SUMF1: variants seen among roughly 807,000 people sequenced by gnomAD.
SUMF1 encodes the protein sulfatase modifying factor 1.
SUMF1 carries 48 observed loss-of-function variants against 47.6 expected under a neutral mutation model. That is an observed-to-expected ratio of 1.01 (90% CI 0.80 to 1.28). SUMF1 has a LOEUF of 1.28. SUMF1 is among the 50% of genes most tolerant of loss of function. SUMF1 has a pLI of 0.00. For missense variants in SUMF1, 571 were observed against 485.4 expected, an observed-to-expected ratio of 1.18 and a Z score of -1.66; for synonymous variants, 230 against 192.1, an observed-to-expected ratio of 1.20 and a Z score of -1.63.
intron 8 of SUMF1, among the ~76,000 whole-genome samples, chr3:4,275,373 C>A (rs952120486): frequency 1.3e-5 from 2 of 152,166 alleles, no homozygotes; most frequent in African/African-American, 4.8e-5. Flanking sequence ...GTGTTGGCTT[C>A]ATCCTTAGGA....
chr3:4,256,518 G>A (rs1254602203), intron 8 of SUMF1, among the ~76,000 whole-genome samples: 1 of 146,020 alleles, frequency 6.8e-6, no homozygotes, highest in Non-Finnish European at 1.5e-5. Flanking sequence ...AAATCTAGAA[G>A]AAATGGATAA....
At chr3:4,149,270 A>C (rs947283020) in intron 8 of SUMF1, among the ~76,000 whole-genome samples, 16 of 152,176 alleles carry the variant, frequency 1.1e-4, no homozygotes, top group Non-Finnish European at 2.4e-4. Flanking sequence ...TGGAGGGGAA[A>C]GAAGAATCAC....
chr3:4,379,651 G>T (rs1700437781), intron 7 of SUMF1, among the ~76,000 whole-genome samples: 1 of 151,596 alleles, frequency 6.6e-6, no homozygotes, highest in South Asian at 2.1e-4. Flanking sequence ...AGCCCACCCT[G>T]GCCAATATGG....
intron 8 of SUMF1, among the ~76,000 whole-genome samples, chr3:4,130,917 A>C (rs1041917556): frequency 1.3e-5 from 2 of 152,106 alleles, no homozygotes; most frequent in African/African-American, 4.8e-5. Flanking sequence ...GACCCAACAG[A>C]TCCAATGGTG....
intron 8 of SUMF1, among the ~76,000 whole-genome samples, chr3:4,298,006 G>C (rs1697887995): frequency 6.6e-6 from 1 of 152,104 alleles, no homozygotes; most frequent in Non-Finnish European, 1.5e-5. Context: ...CTGAACCTAT[G>C]AAATGTCAGA....
At chr3:4,108,915 C>T (rs914967983) in intron 8 of SUMF1, among the ~76,000 whole-genome samples, 28 of 151,906 alleles carry the variant, frequency 1.8e-4, no homozygotes, top group African/African-American at 5.8e-4. Flanking sequence ...GAGCATTTAG[C>T]CCATTTACAT....
Position 4,304,123 on chromosome 3 carries a change from C to G in SUMF1, c.1014+72207G>C, listed in dbSNP as rs148990558. On this transcript the variant is annotated intron_variant and NMD_transcript_variant, in intron 8 of 12. Transcript: ENST00000448413. ...CTCAGTAAATGTTTGCTTCTATTAA[C>G]TACCTCAAAGCCCTTTCTACTCTCC... 2.1e-3 allele frequency: 375 copies of G among 175,600 alleles called. 3 individuals are homozygous for G. Among genetic ancestry groups the G allele is most frequent in the African/African-American group, 8.4e-3 (350 of 41,690 alleles). 10.9% of individuals were successfully genotyped at this position (175,600 alleles called of 1,614,324 possible).
intron 8 of SUMF1, among the ~76,000 whole-genome samples, chr3:4,368,444 C>G (rs1381690577): frequency 6.6e-6 from 1 of 152,116 alleles, no homozygotes; most frequent in Non-Finnish European, 1.5e-5. Context: ...CCTCAGGGAT[C>G]TAGAACTAGA....
chr3:4,066,358 G>T (rs551906258), intron 9 of SUMF1, among the ~76,000 whole-genome samples: 1 of 151,986 alleles, frequency 6.6e-6, no homozygotes, highest in Non-Finnish European at 1.5e-5. Flanking sequence ...GAGATAACTA[G>T]TTAACATAAA....
At chr3:4,277,489 A>C (rs1421437680) in intron 8 of SUMF1, among the ~76,000 whole-genome samples, 2 of 152,170 alleles carry the variant, frequency 1.3e-5, no homozygotes, top group Non-Finnish European at 2.9e-5. Context: ...AGAGAGATCC[A>C]GACCTAATAA....
intron 8 of SUMF1, among the ~76,000 whole-genome samples, chr3:4,261,360 CAAAA>C (rs940430894): frequency 2.4e-4 from 36 of 152,156 alleles, no homozygotes; most frequent in African/African-American, 8.7e-4. Flanking sequence ...ACATTCAGTT[CAAAA>C]ACACAAAGCT....
intron 8 of SUMF1, among the ~76,000 whole-genome samples, chr3:4,105,476 A>C (rs1222019887): frequency 6.6e-6 from 1 of 152,154 alleles, no homozygotes; most frequent in Non-Finnish European, 1.5e-5. Context: ...AAAGGTCCAG[A>C]TCTGAGGTAC....
At chr3:4,297,161 G>C (rs1270505851) in intron 8 of SUMF1, among the ~76,000 whole-genome samples, 1 of 152,096 alleles carries the variant, frequency 6.6e-6, no homozygotes, top group African/African-American at 2.4e-5. Context: ...TAAAAACTTG[G>C]GCCGAGGCTT....
At chr3:4,090,434 C>G (rs527732962) in intron 8 of SUMF1, among the ~76,000 whole-genome samples, 32 of 152,224 alleles carry the variant, frequency 2.1e-4, no homozygotes, top group African/African-American at 7.7e-4. Context: ...ATGGGGTCCT[C>G]TCCAAGGTCA....
chr3:4,085,529 C>G (rs1192007133), intron 8 of SUMF1, among the ~76,000 whole-genome samples: 2 of 151,968 alleles, frequency 1.3e-5, no homozygotes, highest in Non-Finnish European at 2.9e-5. Flanking sequence ...CAAGAGATAC[C>G]CACATGTCTT....
chr3:4,454,755 A>G (rs941016648), intron 1 of SUMF1, among the ~76,000 whole-genome samples: 1 of 152,358 alleles, frequency 6.6e-6, no homozygotes, highest in Non-Finnish European at 1.5e-5. Context: ...ATAAATAAGT[A>G]TTGGTTCATG....
At position 4,462,212 on chromosome 3, in the gene SUMF1, G is replaced by C. The variant is rs772309176; in HGVS notation, c.270+4764C>G. On this transcript the variant is annotated intron_variant, in intron 1 of 8. Coordinates refer to ENST00000272902, the MANE Select transcript of SUMF1 (RefSeq NM_182760.4). ...TATCCTACTTCCCAACCCCCACCAA[G>C]CCTGGCCAACCATAGCATTCTTTTG... Among the ~76,000 whole-genome samples the C allele has an allele frequency of 5.3e-4, 80 of 152,144 alleles. 1 individual carries two copies. Among genetic ancestry groups the C allele is most frequent in the Admixed American group, 4.6e-4 (7 of 15,278 alleles).
chr3:4,088,834 T>C (rs1442869977), intron 8 of SUMF1, among the ~76,000 whole-genome samples: 1 of 152,144 alleles, frequency 6.6e-6, no homozygotes, highest in Non-Finnish European at 1.5e-5. Flanking sequence ...GTGTAAGCTC[T>C]TTAATTCCAG....
chr3:4,323,357 A>T (rs1698877208), intron 8 of SUMF1, among the ~76,000 whole-genome samples: 1 of 152,186 alleles, frequency 6.6e-6, no homozygotes, highest in African/African-American at 2.4e-5. Flanking sequence ...GATACAAAGT[A>T]GATTAGTGGT....
Sources: allele counts gnomAD v4.1 joint callset (sites outside exome capture counted in the v4.1 genomes callset), GRCh38; gene constraint gnomAD v4.1.1; transcripts MANE v1.5; gene names NCBI Gene and HGNC (gene_info 2026-07-23, HGNC 2026-07-21).